Variants in ENTR1 observed in about 807,000 individuals in gnomAD.
ENTR1 encodes the protein endosome-associated-trafficking regulator 1.
A neutral mutation model predicts 47.9 loss-of-function variants in ENTR1; 47 were observed. The ratio of observed to expected loss-of-function variants is 0.98; its 90% CI spans 0.78 to 1.25. The LOEUF (loss-of-function observed/expected upper bound fraction) is 1.25. ENTR1 is among the 50% of genes most tolerant of loss of function. ENTR1 has a pLI of 0.00. For synonymous variants in ENTR1, 290 were observed against 245.8 expected (o/e 1.18, Z -1.68); for missense variants, 668 against 570.5 (o/e 1.17, Z -1.74).
chr9:136,409,027 C>T lies in ENTR1; in HGVS notation c.261G>A (p.Pro87=), dbSNP rs775534194. 6.2e-6 allele frequency: 10 copies of T among 1,613,960 alleles called. No individual in the cohort carries two copies. Among genetic ancestry groups the T allele is most frequent in the African/African-American group, 1.3e-5 (1 of 75,026 alleles). ...CAAAATGTGTCCCGTGGGCTCCTGACGGGCTCTGCTTAGAACATTTCCCCT... is the reference window on the plus strand; with the variant it reads ...CAAAATGTGTCCCGTGGGCTCCTGATGGGCTCTGCTTAGAACATTTCCCCT... ...YGKGKCSKQS[P]SGAHGTHFGD... Residue 87 remains proline (P), a synonymous_variant, in exon 3 of 10, where the codon CCG becomes CCA. Transcript: ENST00000357365.
At chr9:136,404,740 C>G in intron 7 of ENTR1, 47 bp from the exon 8 acceptor site, 1 of 1,596,694 alleles carries the variant, frequency 6.3e-7, no homozygotes, top group South Asian at 1.1e-5. Context: ...CTGATGTCCT[C>G]ACATTCATAC....
At chr9:136,409,253 T>C (rs1484076784) in intron 2 of ENTR1, among the ~76,000 whole-genome samples, 186 bp from the exon 3 acceptor site, 1 of 151,480 alleles carries the variant, frequency 6.6e-6, no homozygotes, top group Non-Finnish European at 1.5e-5. Flanking sequence ...CGATCTCGGC[T>C]CCCTGCAAGC....
rs377068902 is a variant in ENTR1 at position 136,404,637 on chromosome 9, C to T, written c.1062G>A (p.Leu354=). ...AGTCCCTTCCTTTAATTACCTGGAG[C>T]AAACTGATTTCCTGTTTTAGTTTCA... ...HVVKLKQEIS[L]LQAQVSNFQR... is the part of the protein sequence containing the mutation. The change falls in exon 8 of 10, where the codon TTG becomes TTA. Residue 354 remains leucine, a synonymous_variant. Transcript: ENST00000357365. The T allele has an allele frequency of 1.2e-6, 2 of 1,613,886 alleles. No individual in the cohort carries two copies. The highest frequency in any genetic ancestry group is 1.7e-5 in the Admixed American group (1 of 60,002).
chr9:136,407,963 C>T (rs1231545464), intron 3 of ENTR1, 25 bp from the exon 4 acceptor site: 2 of 1,451,726 alleles, frequency 1.4e-6, no homozygotes, highest in African/African-American at 1.4e-5. Context: ...ATCACAAATG[C>T]ATAAAGTCTA....
In ENTR1 at chr9:136,410,608, G is replaced by C; in HGVS notation, c.-211C>G. On this transcript the variant is annotated 5_prime_UTR_variant, in exon 1 of 10. Coordinates refer to ENST00000357365, the MANE Select transcript of ENTR1 (RefSeq NM_001039707.2). Reference sequence around the variant, plus strand: ...CCTGAACGCCTTGGGCCGTCGGCGAGGGGGAGGGGAAGCCGTGGGCGGAAG... The same window carrying C: ...CCTGAACGCCTTGGGCCGTCGGCGACGGGGAGGGGAAGCCGTGGGCGGAAG... 13 of 1,297,286 alleles carry C rather than the reference G, an allele frequency of 1.0e-5. No individual in the cohort carries two copies. The highest frequency in any genetic ancestry group is 1.3e-5 in the Non-Finnish European group (13 of 1,017,452). The allele number at this position is 1,297,286 out of a possible 1,614,324, so 80.4% of individuals were successfully genotyped here.
chr9:136,405,822 T>C (rs915058785), intron 6 of ENTR1, 83 bp downstream of exon 6: 4 of 805,910 alleles, frequency 5.0e-6, no homozygotes, highest in Admixed American at 2.6e-5. Flanking sequence ...GGTTTGACTC[T>C]GATTACTTCA....
In ENTR1 at chr9:136,410,475, G is replaced by T; in HGVS notation, c.-78C>A. The T allele has an allele frequency of 1.0e-6, 1 of 974,648 alleles. No homozygotes were observed. Among genetic ancestry groups the T allele is most frequent in the Non-Finnish European group, 1.2e-6 (1 of 809,342 alleles). 60.4% of individuals were successfully genotyped at this position (974,648 alleles called of 1,614,324 possible). On this transcript the variant is annotated 5_prime_UTR_variant, in exon 1 of 10. Coordinates refer to ENST00000357365, the MANE Select transcript of ENTR1 (RefSeq NM_001039707.2). ...TGGCCCCGGCTCCGCCCGTGCCGCG[G>T]CCCGCGTCGCCCGCCCCCGTCGCCC...
At position 136,405,152 on chromosome 9, in the gene ENTR1, C is replaced by A. The variant is rs893444250; in HGVS notation, c.944G>T (p.Ser315Ile). 6.2e-7 allele frequency: 1 copy of A among 1,614,032 alleles called. No individual in the cohort carries two copies. Reference protein sequence around the residue: ...KLEAKMIKEESDYHDLESVVQ... With the variant: ...KLEAKMIKEEIDYHDLESVVQ... ...CACCGACTCCAGGTCGTGGTAGTCG[C>A]TTTCCTCCTTGATCATTTTTGCTTC... The change falls in exon 7 of 10, where the codon AGC (serine) becomes ATC (isoleucine). Residue 315 changes from serine to isoleucine, a missense_variant. Ser to Ile is a moderately radical substitution (Grantham distance 142). Coordinates refer to ENST00000357365, the MANE Select transcript of ENTR1 (RefSeq NM_001039707.2).
chr9:136,408,594 AACC>A (rs1192604470), intron 3 of ENTR1, among the ~76,000 whole-genome samples: 6 of 151,600 alleles, frequency 4.0e-5, no homozygotes, highest in Middle Eastern at 3.4e-3. Context: ...CAACAACAAC[AACC>A]AGCTCCTCAG....
At chr9:136,403,901 G>A in intron 9 of ENTR1, 154 bp downstream of exon 9, 2 of 863,758 alleles carry the variant, frequency 2.3e-6, no homozygotes, top group African/African-American at 1.7e-5. Flanking sequence ...GACCCAGAGA[G>A]CTAACAGGAC....
chr9:136,404,145 T>G lies in ENTR1; in HGVS notation c.1118A>C (p.Gln373Pro), dbSNP rs775120473. Reference protein sequence around the residue: ...QRENEALRCGQGASLTVVKQN... With the variant: ...QRENEALRCGPGASLTVVKQN... ...CTTCACCACGGTCAGGCTGGCACCC[T>G]GGCCGCACCGCAGGGCTTCATTCTC... Residue 373 changes from glutamine (Q) to proline (P), a missense_variant, in exon 9 of 10, where the codon CAG becomes CCG. Coordinates refer to ENST00000357365, the MANE Select transcript of ENTR1 (RefSeq NM_001039707.2). 31 of 1,612,958 alleles carry G rather than the reference T, an allele frequency of 1.9e-5. No homozygotes were observed. Among genetic ancestry groups the G allele is most frequent in the Admixed American group, 5.0e-5 (3 of 59,924 alleles).
rs755757356 is a variant in ENTR1 at position 136,402,766 on chromosome 9, T to C, written c.*22A>G. The C allele has an allele frequency of 1.7e-5, 27 of 1,557,554 alleles. No homozygotes were observed. In the South Asian group the frequency reaches 2.3e-4, roughly 13 times the overall value. On this transcript the variant is annotated 3_prime_UTR_variant, in exon 10 of 10. Transcript: ENST00000357365. ...ACCTCAGGGTATACACGGAGCTTCA[T>C]GCTGAGAACACCCAGGGGTCCTCAA...
Position 136,407,937 on chromosome 9 carries a change from A to G in ENTR1, c.291T>C (p.Asp97=). The part of the protein sequence containing the change: ...PSGAHGTHFG[D]DRFEDLEEAN... The stretch of plus-strand genomic sequence containing the variant: ...CCTCTTCCAGATCTTCAAATCTGTC[A>G]TCTGAAATAACAGACATCACAAATG... Residue 97 remains aspartate (D), a splice_region_variant and synonymous_variant, in exon 4 of 10, where the codon GAT becomes GAC. Coordinates refer to ENST00000357365, the MANE Select transcript of ENTR1 (RefSeq NM_001039707.2). The G allele has an allele frequency of 6.3e-7, 1 of 1,581,746 alleles. No homozygotes were observed. Among genetic ancestry groups the G allele is most frequent in the Non-Finnish European group, 8.7e-7 (1 of 1,150,730 alleles).
At chr9:136,410,017 G>C in intron 2 of ENTR1, 73 bp downstream of exon 2, 1 of 1,557,632 alleles carries the variant, frequency 6.4e-7, no homozygotes, top group Middle Eastern at 1.7e-4. Context: ...GGACGAGCTC[G>C]TGCTGCAGCG....
chr9:136,402,871 C>G lies in ENTR1; in HGVS notation c.1225G>C (p.Ala409Pro), dbSNP rs1319796103. The change falls in exon 10 of 10, where the codon GCT (alanine) becomes CCT (proline). Residue 409 changes from alanine to proline, a missense_variant. By Grantham distance (27) the Ala-to-Pro change is conservative (BLOSUM62 -1). Transcript: ENST00000357365. ...QASIKQLVSG[A>P]ETLNLVAEIL... Reference sequence around the variant, plus strand: ...TCGGCAACAAGATTCAGTGTCTCAGCTCCGGAAACCAGTTGCCTGAAAACA... The same window carrying G: ...TCGGCAACAAGATTCAGTGTCTCAGGTCCGGAAACCAGTTGCCTGAAAACA... 1.2e-6 allele frequency: 2 copies of G among 1,611,962 alleles called. No homozygotes were observed. The highest frequency in any genetic ancestry group is 3.3e-5 in the Admixed American group (2 of 59,814).
chr9:136,408,935 C>G (rs945122159), intron 3 of ENTR1, 64 bp downstream of exon 3: 1 of 1,373,344 alleles, frequency 7.3e-7, no homozygotes, highest in Non-Finnish European at 1.0e-6. Flanking sequence ...GACAGTCCCA[C>G]CAGACACGTG....
Position 136,410,163 on chromosome 9 carries a change from G to C in ENTR1, c.147C>G (p.Ser49=), listed in dbSNP as rs1588800945. 1 of 1,612,036 alleles carries C rather than the reference G, an allele frequency of 6.2e-7. No individual in the cohort carries two copies. Among genetic ancestry groups the C allele is most frequent in the Non-Finnish European group, 8.5e-7 (1 of 1,179,676 alleles). ...CERPHGRDLD[S]PFFGIRPAFM... ...AGGCCGGCCGAATGCCGAAGAAGGG[G>C]GAGTCCAGGTCCCTGCCATGGGGGC... is the stretch of plus-strand genomic sequence containing the variant. Residue 49 remains serine, a synonymous_variant, in exon 2 of 10, where the codon TCC becomes TCG. Coordinates refer to ENST00000357365, the MANE Select transcript of ENTR1 (RefSeq NM_001039707.2).
intron 6 of ENTR1, among the ~76,000 whole-genome samples, chr9:136,405,642 T>C (rs1055261670): frequency 6.6e-5 from 10 of 152,064 alleles, no homozygotes; most frequent in African/African-American, 2.4e-4. Context: ...CTCAGGAGGC[T>C]GAGATGGGAG....
chr9:136,404,759 G>A lies in ENTR1; in HGVS notation c.1006-66C>T. Reference sequence around the variant, plus strand: ...TGTCCTCACATTCATACCGGACACGGGCCCCAACCCAGGGAGCAGGAGGGC... The same window carrying A: ...TGTCCTCACATTCATACCGGACACGAGCCCCAACCCAGGGAGCAGGAGGGC... On this transcript the variant is annotated intron_variant, in intron 7 of 9. Coordinates refer to ENST00000357365, the MANE Select transcript of ENTR1 (RefSeq NM_001039707.2). 4.5e-6 allele frequency: 7 copies of A among 1,564,832 alleles called. No individual in the cohort carries two copies. In the South Asian group the frequency reaches 7.8e-5, roughly 18 times the overall value.
Sources: gnomAD v4.1 joint callset for allele counts (sites outside exome capture counted in the v4.1 genomes callset) on GRCh38, gnomAD v4.1.1 for gene constraint, MANE v1.5 for transcripts, NCBI Gene and HGNC (gene_info 2026-07-23, HGNC 2026-07-21) for gene names.